Variants in ARHGAP22 observed in about 807,000 individuals in gnomAD.
The protein encoded by ARHGAP22 is rho GTPase-activating protein 22.
Under a neutral mutation model 59.1 loss-of-function variants are expected in ARHGAP22, and 48 were observed. The observed-to-expected ratio is 0.81, with a 90% CI of 0.64 to 1.03. ARHGAP22 has a LOEUF of 1.03. Among genes scored for constraint, ARHGAP22 ranks in the 50% least tolerant of loss-of-function variants. ARHGAP22 has a pLI of 0.00. For missense variants in ARHGAP22, 1,015 were observed against 958.7 expected (o/e 1.06, Z -0.78); for synonymous variants, 445 against 416.4 (o/e 1.07, Z -0.84).
At position 48,571,849 on chromosome 10, in the gene ARHGAP22, C is replaced by T. The variant is rs117958268; in HGVS notation, c.234+11104G>A. ...GGCTGTGTGGTTTTTCTCTCATTCA[C>T]GCTTCCTCATCATTCTGTGGTCCAT... is the stretch of plus-strand genomic sequence containing the variant. On this transcript the variant is annotated intron_variant, in intron 2 of 9. Coordinates refer to ENST00000249601, the MANE Select transcript of ARHGAP22 (RefSeq NM_021226.4). 4.2e-3 allele frequency among the ~76,000 whole-genome samples: 644 copies of T among 152,294 alleles called. 1 individual carries two copies. The highest frequency in any genetic ancestry group is 7.0e-3 in the Non-Finnish European group (475 of 68,036).
At chr10:48,533,005 C>T (rs1430219723) in intron 3 of ARHGAP22, 4 of 152,154 alleles carry the variant, frequency 2.6e-5, no homozygotes, top group African/African-American at 9.7e-5. Context: ...AGGCTTCTTA[C>T]ACCCTCTCAA....
intron 1 of ARHGAP22, among the ~76,000 whole-genome samples, chr10:48,631,151 A>T (rs1226067461): frequency 6.6e-6 from 1 of 152,240 alleles, no homozygotes; most frequent in African/African-American, 2.4e-5. Flanking sequence ...ATCTGGAATA[A>T]ACTCCACTTG....
At chr10:48,475,956 C>A (rs929997006) in intron 4 of ARHGAP22, among the ~76,000 whole-genome samples, 3 of 152,192 alleles carry the variant, frequency 2.0e-5, no homozygotes, top group African/African-American at 7.2e-5. Context: ...GGGCCCCCTA[C>A]CTCTGCCTGT....
chr10:48,593,027 C>T (rs2059859399), intron 1 of ARHGAP22, among the ~76,000 whole-genome samples: 1 of 152,234 alleles, frequency 6.6e-6, no homozygotes, highest in Non-Finnish European at 1.5e-5. Context: ...CTCCTTTATC[C>T]TCTCTTGTCC....
At chr10:48,459,301 C>G (rs974728924) in intron 5 of ARHGAP22, among the ~76,000 whole-genome samples, 1 of 152,160 alleles carries the variant, frequency 6.6e-6, no homozygotes, top group African/African-American at 2.4e-5. Flanking sequence ...TTGATAGAGC[C>G]TGGGGGTAGG....
chr10:48,439,575 T>TA, the ARHGAP22 span, among the ~76,000 whole-genome samples: 1 of 152,034 alleles, frequency 6.6e-6, no homozygotes, highest in East Asian at 1.9e-4. Context: ...GGATAAACTT[T>TA]ATCTAAAAAA....
At position 48,587,490 on chromosome 10, in the gene ARHGAP22, T is replaced by A. The variant is rs76849639; in HGVS notation, c.35-4338A>T. ...ACCAGTGCCTGGGCTTTTTTTTGTT[T>A]AATCAAGTGAGATTCCTACCATGAG... On this transcript the variant is annotated intron_variant, in intron 1 of 9. Transcript: ENST00000249601. Among the ~76,000 whole-genome samples, 663 of 152,306 alleles carry A rather than the reference T, an allele frequency of 4.4e-3. 4 individuals are homozygous for A. Among genetic ancestry groups the A allele is most frequent in the East Asian group, 0.036 (184 of 5,180 alleles).
chr10:48,449,737 CA>C (rs1485342716), intron 9 of ARHGAP22, among the ~76,000 whole-genome samples: 1 of 152,202 alleles, frequency 6.6e-6, no homozygotes, highest in African/African-American at 2.4e-5. Context: ...TTGTAAGCCT[CA>C]GGGTGCAGCA....
At position 48,480,492 on chromosome 10, in the gene ARHGAP22, T is replaced by C. The variant is rs1310978253; in HGVS notation, c.323-728A>G. 2.0e-5 allele frequency among the ~76,000 whole-genome samples: 3 copies of C among 152,364 alleles called. No homozygotes were observed. The East Asian group carries it at 5.8e-4, about 29-fold the overall frequency. ...GGGTTTTCAAGAATGAGTTTGTCTTTATACATCCTACCCCCCGACATCCCT... is the reference window on the plus strand; with the variant it reads ...GGGTTTTCAAGAATGAGTTTGTCTTCATACATCCTACCCCCCGACATCCCT... On this transcript the variant is annotated intron_variant, in intron 3 of 9. Transcript: ENST00000249601.
intron 3 of ARHGAP22, among the ~76,000 whole-genome samples, chr10:48,512,249 G>A (rs1029616381): frequency 6.6e-6 from 1 of 152,190 alleles, no homozygotes; most frequent in Admixed American, 6.5e-5. Flanking sequence ...AGTGCACACC[G>A]GCTTCTCAGT....
the ARHGAP22 span, chr10:48,437,445 A>G: frequency 6.6e-6 from 1 of 152,108 alleles, no homozygotes; most frequent in African/African-American, 2.4e-5. Context: ...TGATTTTTCA[A>G]TTTTATATAC....
chr10:48,606,389 G>C (rs564974284), upstream of ARHGAP22, among the ~76,000 whole-genome samples: 23 of 152,296 alleles, frequency 1.5e-4, no homozygotes, highest in Non-Finnish European at 3.4e-4. Flanking sequence ...GGCCAAGCTG[G>C]TGGGAGAAGG....
chr10:48,528,381 T>C (rs1192145763), intron 3 of ARHGAP22, among the ~76,000 whole-genome samples: 1 of 152,198 alleles, frequency 6.6e-6, no homozygotes, highest in Admixed American at 6.5e-5. Context: ...ATGATCATTC[T>C]TTCCTTCACT....
At position 48,466,388 on chromosome 10, in the gene ARHGAP22, G is replaced by A. The variant is rs1589544211; in HGVS notation, c.452-6497C>T. On this transcript the variant is annotated intron_variant, in intron 4 of 9. Coordinates refer to ENST00000249601, the MANE Select transcript of ARHGAP22 (RefSeq NM_021226.4). ...CGGACACGCACGACCCTCGCCCCCT[G>A]GGAACCGTCCCGCAGCACCAGATCC... Among the ~76,000 whole-genome samples, 4 of 152,046 alleles carry A rather than the reference G, an allele frequency of 2.6e-5. 1 individual carries two copies. The highest frequency in any genetic ancestry group is 6.8e-3 in the Middle Eastern group (2 of 294).
At chr10:48,459,925 C>T (rs764761540) in intron 4 of ARHGAP22, 34 bp from the exon 5 acceptor site, 7 of 1,595,166 alleles carry the variant, frequency 4.4e-6, no homozygotes, top group Admixed American at 3.4e-5. Context: ...ACACCCTCCA[C>T]CACCCAGCTC....
chr10:48,574,041 T>C (rs756615438), intron 2 of ARHGAP22, among the ~76,000 whole-genome samples: 1 of 135,668 alleles, frequency 7.4e-6, no homozygotes, highest in African/African-American at 2.9e-5. Context: ...TTGTTCTGGA[T>C]ACTGAGACAC....
Position 48,641,588 on chromosome 10 carries a change from C to T in ARHGAP22, c.52+10646G>A, listed in dbSNP as rs368199170. On this transcript the variant is annotated intron_variant, in intron 1 of 9. Coordinates refer to the ARHGAP22 transcript ENST00000435790. ...CTCAATAAATTAAGTATTGATGGGA[C>T]GTATCTCAAAATAATAAGAGCTATT... is the stretch of plus-strand genomic sequence containing the variant. Among the ~76,000 whole-genome samples the T allele has an allele frequency of 7.5e-4, 114 of 152,194 alleles. No homozygotes were observed. In the East Asian group the frequency reaches 9.3e-3, roughly 12 times the overall value.
chr10:48,581,086 C>T (rs531693923), intron 2 of ARHGAP22, among the ~76,000 whole-genome samples: 5 of 152,258 alleles, frequency 3.3e-5, no homozygotes, highest in Non-Finnish European at 7.4e-5. Flanking sequence ...TGTACTCTGC[C>T]TTCCCCCAAA....
intron 3 of ARHGAP22, among the ~76,000 whole-genome samples, chr10:48,520,682 T>C (rs1328634130): frequency 6.6e-6 from 1 of 152,082 alleles, no homozygotes; most frequent in Non-Finnish European, 1.5e-5. Flanking sequence ...TGACAGGAGT[T>C]GACGGGAGGG....
Sources: allele counts gnomAD v4.1 joint callset (sites outside exome capture counted in the v4.1 genomes callset), GRCh38; gene constraint gnomAD v4.1.1; transcripts MANE v1.5; gene names NCBI Gene and HGNC (gene_info 2026-07-23, HGNC 2026-07-21).